ODF2: variants seen among roughly 807,000 people sequenced by gnomAD.
The protein encoded by ODF2 is outer dense fiber protein 2.
A neutral mutation model predicts 110.2 loss-of-function variants in ODF2; 47 were observed. The ratio of observed to expected loss-of-function variants is 0.43; its 90% CI spans 0.34 to 0.54. The LOEUF (loss-of-function observed/expected upper bound fraction) is 0.54. ODF2 is among the 20% of genes least tolerant of loss of function. The pLI is 0.03. For missense variants in ODF2, 812 were observed against 1,054.5 expected, an observed-to-expected ratio of 0.77 and a Z score of 3.19; for synonymous variants, 352 against 397.7, an observed-to-expected ratio of 0.89 and a Z score of 1.37.
At chr9:128,498,105 G>A in intron 18 of ODF2, 1 of 214,260 alleles carries the variant, frequency 4.7e-6, no homozygotes. Context: ...CTGAAGTGGG[G>A]ATAATAATGG....
At chr9:128,456,508 C>T (rs1834821995) in intron 1 of ODF2, 3 of 1,526,240 alleles carry the variant, frequency 2.0e-6, no homozygotes, top group Non-Finnish European at 2.6e-6. Context: ...TCTGCCCCTC[C>T]TCTGCCGCCC....
At chr9:128,497,422 C>T (rs1191640359) in intron 18 of ODF2, 3 of 6,050 alleles carry the variant, frequency 5.0e-4, no homozygotes, top group Admixed American at 1.7e-3. Flanking sequence ...CCCGTCTCTA[C>T]TAAAAAAAAA....
chr9:128,469,716 C>T (rs970573548), intron 5 of ODF2, among the ~76,000 whole-genome samples: 6 of 151,664 alleles, frequency 4.0e-5, no homozygotes, highest in African/African-American at 9.7e-5. Context: ...AAAAACAGGC[C>T]GGGCATGGTG....
chr9:128,485,526 T>C lies in ODF2; in HGVS notation c.1400+52T>C, dbSNP rs757318765. 1.9e-6 allele frequency: 2 copies of C among 1,043,548 alleles called. No individual in the cohort carries two copies. The highest frequency in any genetic ancestry group is 1.6e-5 in the African/African-American group (1 of 63,970). The allele number at this position is 1,043,548 out of a possible 1,614,324, so 64.6% of individuals were successfully genotyped here. The stretch of plus-strand genomic sequence containing the variant: ...GTGGCGCTGTTGAGGGACTTGGGTG[T>C]GCAGGTGGGAGGGGCCTAGTGGCTC... On this transcript the variant is annotated intron_variant, in intron 13 of 20. Transcript: ENST00000604420. This position sits in a 1 kb window ranked among gnomAD's most constrained non-coding sequence, Gnocchi z 5.0.
intron 8 of ODF2, among the ~76,000 whole-genome samples, chr9:128,481,085 G>C (rs924042795): frequency 7.9e-5 from 12 of 152,102 alleles, no homozygotes; most frequent in Admixed American, 3.3e-4. Flanking sequence ...AGTAGGGTAG[G>C]GTTTGGAGGT....
intron 14 of ODF2, among the ~76,000 whole-genome samples, chr9:128,491,763 A>C (rs1844616257): frequency 6.6e-6 from 1 of 152,174 alleles, no homozygotes; most frequent in Admixed American, 6.5e-5. Flanking sequence ...GTATAGTCTC[A>C]TTCTTTTTGA....
At chr9:128,479,619 T>C (rs1159596835) in intron 8 of ODF2, among the ~76,000 whole-genome samples, 1 of 149,482 alleles carries the variant, frequency 6.7e-6, no homozygotes, top group Non-Finnish European at 1.5e-5. Context: ...GCCATTCCTC[T>C]TCTTGGTATC....
chr9:128,473,734 G>A, exon 8 of ODF2: 1 of 1,612,938 alleles, frequency 6.2e-7, no homozygotes, highest in Non-Finnish European at 8.5e-7. Flanking sequence ...GAACAGCACT[G>A]CAAAGAGGTG....
intron 14 of ODF2, among the ~76,000 whole-genome samples, chr9:128,490,555 G>A (rs187243088): frequency 1.3e-5 from 2 of 152,256 alleles, no homozygotes; most frequent in African/African-American, 4.8e-5. Context: ...AAAGTGTTGG[G>A]TTTATAGGTG....
chr9:128,469,297 C>A (rs761582122), exon 5 of ODF2: 2 of 1,613,976 alleles, frequency 1.2e-6, no homozygotes, highest in Non-Finnish European at 1.7e-6. Context: ...TAAAATGAAC[C>A]GTTATGATAA....
chr9:128,498,885 C>A, intron 19 of ODF2, 116 bp from the exon 20 acceptor site: 1 of 1,368,466 alleles, frequency 7.3e-7, no homozygotes, highest in Non-Finnish European at 1.0e-6. Context: ...AGAACACAGT[C>A]CACAATGATG....
At chr9:128,496,262 G>A in intron 18 of ODF2, 121 bp downstream of exon 18, 2 of 1,534,932 alleles carry the variant, frequency 1.3e-6, no homozygotes, top group Non-Finnish European at 1.7e-6. Context: ...AAGGTACTAG[G>A]CAGACCTCAG....
At chr9:128,459,392 G>A (rs1835812128) in intron 2 of ODF2, among the ~76,000 whole-genome samples, 175 bp from the exon 2 acceptor site, 1 of 152,190 alleles carries the variant, frequency 6.6e-6, no homozygotes, top group South Asian at 2.1e-4. Context: ...CCATCCCACT[G>A]CTGGGCACAC....
intron 8 of ODF2, among the ~76,000 whole-genome samples, chr9:128,475,611 T>C (rs1339372324): frequency 6.6e-6 from 1 of 152,134 alleles, no homozygotes; most frequent in Non-Finnish European, 1.5e-5. Context: ...GTTCCATCTC[T>C]GGCAACCAGC....
chr9:128,473,363 C>A, intron 7 of ODF2: 2 of 723,652 alleles, frequency 2.8e-6, no homozygotes, highest in Non-Finnish European at 3.4e-6. Context: ...AGGAAGTCTG[C>A]CCTGACTGTG....
At chr9:128,457,084 G>T (rs1564447884) in intron 1 of ODF2, 3 of 1,348,560 alleles carry the variant, frequency 2.2e-6, no homozygotes, top group Non-Finnish European at 1.9e-6. Flanking sequence ...GCAGTCCTCC[G>T]CGTGGGACCC....
chr9:128,459,586 A>C (rs1835868240), exon 3 of ODF2: 6 of 1,614,046 alleles, frequency 3.7e-6, no homozygotes, highest in Non-Finnish European at 5.1e-6. Flanking sequence ...GTGTGGGAAG[A>C]ACGGAGTAAC....
intron 3 of ODF2, 67 bp downstream of exon 2, chr9:128,459,724 T>C (rs1835914592): frequency 8.1e-7 from 1 of 1,233,390 alleles, no homozygotes; most frequent in East Asian, 2.4e-5. Flanking sequence ...GCACACCGTT[T>C]CTAGGAGGTG....
chr9:128,492,427 C>A, exon 15 of ODF2: 1 of 1,612,226 alleles, frequency 6.2e-7, no homozygotes, highest in East Asian at 2.2e-5. Context: ...CCCTTCCAGG[C>A]CAGCTTTGCT....
Sources: allele counts gnomAD v4.1 joint callset (sites outside exome capture counted in the v4.1 genomes callset), GRCh38; gene constraint gnomAD v4.1.1; non-coding constraint Gnocchi (gnomAD v3.1); transcripts MANE v1.5; gene names NCBI Gene and HGNC (gene_info 2026-07-23, HGNC 2026-07-21).